Variants in FAM169A observed in about 807,000 individuals in gnomAD.
FAM169A encodes family with sequence similarity 169 member A.
FAM169A carries 24 observed loss-of-function variants against 75.7 expected under a neutral mutation model. The ratio of observed to expected loss-of-function variants is 0.32; its 90% CI spans 0.23 to 0.45. The LOEUF (loss-of-function observed/expected upper bound fraction) is 0.45, where lower values mean the gene tolerates loss of function less well. Among genes scored for constraint, FAM169A ranks in the 20% least tolerant of loss-of-function variants. The pLI is 1.00. For synonymous variants in FAM169A, 271 were observed against 271.0 expected (o/e 1.00, Z 0.00); for missense variants, 673 against 784.0 (o/e 0.86, Z 1.69).
chr5:74,777,789 A>T lies in FAM169A; in HGVS notation c.*3671T>A, dbSNP rs941605055. On this transcript the variant is annotated 3_prime_UTR_variant, in exon 13 of 13. Coordinates refer to ENST00000687041, the MANE Select transcript of FAM169A (RefSeq NM_001376049.1). ...ATTACTACTTTTAAACTTAAAAAAA[A>T]ATAAAAACCAAGAAAACAAACATAG... 2.0e-5 allele frequency: 3 copies of T among 152,080 alleles called. No homozygotes were observed. Among genetic ancestry groups the T allele is most frequent in the African/African-American group, 7.2e-5 (3 of 41,464 alleles). The allele number at this position is 152,080 out of a possible 1,614,324, so 9.4% of individuals were successfully genotyped here.
intron 6 of FAM169A, among the ~76,000 whole-genome samples, chr5:74,810,062 G>GA (rs1747096219): frequency 6.6e-6 from 1 of 151,924 alleles, no homozygotes; most frequent in Non-Finnish European, 1.5e-5. Flanking sequence ...GCCAAGAAAG[G>GA]AAAAAACCCA....
intron 6 of FAM169A, among the ~76,000 whole-genome samples, chr5:74,807,933 A>G (rs1223466897): frequency 2.0e-5 from 3 of 152,230 alleles, no homozygotes; most frequent in Admixed American, 6.5e-5. Context: ...CCTGATCAAC[A>G]TGGTGAAACC....
intron 10 of FAM169A, among the ~76,000 whole-genome samples, chr5:74,797,229 T>C (rs35269231): frequency 0.027 from 4,120 of 152,336 alleles, 80 homozygotes; most frequent in Non-Finnish European, 0.037. Flanking sequence ...TACGCTGGAG[T>C]GCAGTGGCGT....
intron 1 of FAM169A, among the ~76,000 whole-genome samples, chr5:74,853,041 C>A (rs1393808766): frequency 2.0e-5 from 3 of 152,082 alleles, no homozygotes; most frequent in Admixed American, 2.0e-4. Context: ...AGGCTCAGAC[C>A]TCCAGAGAGA....
chr5:74,857,379 C>T (rs1749765455), intron 1 of FAM169A, among the ~76,000 whole-genome samples: 1 of 151,424 alleles, frequency 6.6e-6, no homozygotes, highest in African/African-American at 2.4e-5. Flanking sequence ...GGCAAAACCC[C>T]GTCTCTACAA....
rs375344386 is a variant in FAM169A, at chr5:74,781,512, C to T, written c.1961G>A (p.Arg654Lys). Residue 654 changes from arginine to lysine, a missense_variant, in exon 13 of 13, where the codon AGA (arginine) becomes AAA (lysine). By Grantham distance (26) the Arg-to-Lys change is conservative. Transcript: ENST00000687041. ...AGGTCCTTTATGCCCTTTGGCCTTT[C>T]TTCTTAAATTCCGCCTGTCTACCAC... is the stretch of plus-strand genomic sequence containing the variant. Reference protein sequence around the residue: ...VPVVDRRNLRRKAKGHKGPAK... With the variant: ...VPVVDRRNLRKKAKGHKGPAK... 11 of 1,614,070 alleles carry T rather than the reference C, an allele frequency of 6.8e-6. No homozygotes were observed. Among genetic ancestry groups the T allele is most frequent in the Non-Finnish European group, 8.5e-6 (10 of 1,180,020 alleles).
At chr5:74,786,822 A>G (rs983351932) in intron 11 of FAM169A, among the ~76,000 whole-genome samples, 2 of 152,232 alleles carry the variant, frequency 1.3e-5, no homozygotes, top group Non-Finnish European at 2.9e-5. Context: ...CAGCCTCGCC[A>G]GGTGTCTACT....
At chr5:74,813,763 CA>C (rs1747329271) in intron 6 of FAM169A, 76 bp downstream of exon 6, 1 of 1,151,052 alleles carries the variant, frequency 8.7e-7, no homozygotes, top group South Asian at 2.0e-5. Flanking sequence ...GATATATACA[CA>C]TTTACCGTAT....
At chr5:74,819,428 T>C (rs983860664) in intron 5 of FAM169A, among the ~76,000 whole-genome samples, 1 of 152,176 alleles carries the variant, frequency 6.6e-6, no homozygotes, top group African/African-American at 2.4e-5. Context: ...GTGGAGAAAC[T>C]GCAACCCTCA....
chr5:74,865,277 A>AT (rs1314542598), intron 1 of FAM169A: 3 of 152,216 alleles, frequency 2.0e-5, no homozygotes, highest in Admixed American at 2.0e-4. Flanking sequence ...CCTTCTGGAA[A>AT]TTTTTTAGAA....
chr5:74,789,315 C>T (rs1745857050), intron 11 of FAM169A, among the ~76,000 whole-genome samples: 2 of 152,176 alleles, frequency 1.3e-5, no homozygotes, highest in Admixed American at 1.3e-4. Context: ...GACCTTCTAC[C>T]TCAGTAAAGT....
In FAM169A at chr5:74,841,474, A is replaced by T. The variant is rs917442057; in HGVS notation, c.132+71T>A. The T allele has an allele frequency of 3.9e-5, 47 of 1,200,946 alleles. 1 individual carries two copies. The Admixed American group carries it at 7.3e-4, about 19-fold the overall frequency. The allele number at this position is 1,200,946 out of a possible 1,614,324, so 74.4% of individuals were successfully genotyped here. ...GATTAACACTTAAAATGATTTTTTT[A>T]AAAAAGGATATTTATTTCATGTATA... is the stretch of plus-strand genomic sequence containing the variant. On this transcript the variant is annotated intron_variant, in intron 2 of 12. Transcript: ENST00000687041.
chr5:74,798,431 C>A (rs1186471380), intron 10 of FAM169A, among the ~76,000 whole-genome samples: 2 of 152,102 alleles, frequency 1.3e-5, no homozygotes, highest in Non-Finnish European at 2.9e-5. Context: ...AGTGAGAAAA[C>A]CACAGTTTTC....
intron 10 of FAM169A, 140 bp from the exon 11 acceptor site, chr5:74,796,326 T>C (rs572728253): frequency 2.5e-4 from 160 of 652,170 alleles, no homozygotes; most frequent in Admixed American, 4.2e-4. Context: ...AAAACCAATC[T>C]CTTCATCCTC....
In FAM169A at chr5:74,857,702, T is replaced by C. The variant is rs552327964; in HGVS notation, c.-4+8463A>G. 6.5e-4 allele frequency among the ~76,000 whole-genome samples: 99 copies of C among 151,692 alleles called. 3 individuals carry two copies. In the South Asian group the frequency reaches 0.019, roughly 29 times the overall value. ...TTAAAGGGTAAAAGAACTGAGACTT[T>C]CCAACAATAAATTCTACCCAAAAAT... On this transcript the variant is annotated intron_variant, in intron 1 of 12. Transcript: ENST00000687041.
chr5:74,833,230 A>T (rs1748407620), intron 5 of FAM169A, among the ~76,000 whole-genome samples: 1 of 152,158 alleles, frequency 6.6e-6, no homozygotes, highest in South Asian at 2.1e-4. Context: ...CCTTATATAA[A>T]ATAAATCACA....
intron 5 of FAM169A, among the ~76,000 whole-genome samples, chr5:74,823,389 C>G (rs963096229): frequency 6.6e-6 from 1 of 152,204 alleles, no homozygotes; most frequent in African/African-American, 2.4e-5. Flanking sequence ...TTCAAAACTA[C>G]TTTTAAATAT....
chr5:74,813,451 C>T (rs1023445679), intron 6 of FAM169A, among the ~76,000 whole-genome samples: 24 of 151,932 alleles, frequency 1.6e-4, no homozygotes, highest in African/African-American at 5.8e-4. Flanking sequence ...CTCAGCCTCC[C>T]GAGTAGCTGG....
At chr5:74,833,667 A>G (rs1748429865) in intron 5 of FAM169A, among the ~76,000 whole-genome samples, 1 of 152,204 alleles carries the variant, frequency 6.6e-6, no homozygotes, top group South Asian at 2.1e-4. Context: ...AAATGGAAAT[A>G]AAAAGAAACT....
Sources: allele counts gnomAD v4.1 joint callset (sites outside exome capture counted in the v4.1 genomes callset), GRCh38; gene constraint gnomAD v4.1.1; transcripts MANE v1.5; gene names NCBI Gene and HGNC (gene_info 2026-07-23, HGNC 2026-07-21).